ABCA3: variants seen among roughly 807,000 people sequenced by gnomAD.
The protein encoded by ABCA3 is phospholipid-transporting ATPase ABCA3.
A neutral mutation model predicts 172.8 loss-of-function variants in ABCA3; 88 were observed. That is an observed-to-expected ratio of 0.51 (90% CI 0.43 to 0.61). The LOEUF (loss-of-function observed/expected upper bound fraction) is 0.61, where lower values mean the gene tolerates loss of function less well. ABCA3 is among the 20% of genes least tolerant of loss of function. The pLI is 0.00. For missense variants in ABCA3, 2,164 were observed against 2,301.0 expected (o/e 0.94, Z 1.22); for synonymous variants, 1,066 against 983.8 (o/e 1.08, Z -1.56).
intron 10 of ABCA3, among the ~76,000 whole-genome samples, chr16:2,312,479 T>C (rs886300444): frequency 6.6e-6 from 1 of 151,386 alleles, no homozygotes; most frequent in African/African-American, 2.4e-5. Flanking sequence ...TTAATAAAGT[T>C]TTTTTTTTTA....
Position 2,278,053 on chromosome 16 carries a change from C to T in ABCA3, c.4735G>A (p.Ala1579Thr). The change falls in exon 31 of 33, where the codon GCC becomes ACC. Residue 1579 changes from alanine (A) to threonine (T), a missense_variant. By Grantham distance (58) the Ala-to-Thr change is moderately conservative. Transcript: ENST00000301732. The surrounding 1 kb of genome is among the most constrained non-coding windows in gnomAD (Gnocchi z 4.4). Reference protein sequence around the residue: ...ITSHSMEECEALCTRLAIMVQ... With the variant: ...ITSHSMEECETLCTRLAIMVQ... ...ATGATGGCCAGCCGGGTGCACAGGG[C>T]CTCACACTCCTCCATGCTGTGGAGA... The T allele has an allele frequency of 1.2e-6, 2 of 1,613,428 alleles. No individual in the cohort carries two copies. Among genetic ancestry groups the T allele is most frequent in the Non-Finnish European group, 1.7e-6 (2 of 1,180,014 alleles).
intron 5 of ABCA3, among the ~76,000 whole-genome samples, chr16:2,325,041 C>T (rs1227712041): frequency 6.6e-6 from 1 of 152,152 alleles, no homozygotes; most frequent in Non-Finnish European, 1.5e-5. Flanking sequence ...GGAATTAAAG[C>T]CCGGGAGGTA....
rs773077045 is a variant in ABCA3, at chr16:2,278,030, G to C, written c.4758C>G (p.Ile1586Met). Residue 1586 changes from isoleucine (I) to methionine (M), a missense_variant, in exon 31 of 33, where the codon ATC becomes ATG. Transcript: ENST00000301732. This position sits in a 1 kb window ranked among gnomAD's most constrained non-coding sequence, Gnocchi z 4.4. ...GGCACTTGAACTGCCCCTGCACCAT[G>C]ATGGCCAGCCGGGTGCACAGGGCCT... is the stretch of plus-strand genomic sequence containing the variant. ...ECEALCTRLA[I>M]MVQGQFKCLG... is the part of the protein sequence containing the mutation. The C allele has an allele frequency of 8.1e-6, 13 of 1,613,312 alleles. No individual in the cohort carries two copies. The highest frequency in any genetic ancestry group is 1.6e-4 in the Middle Eastern group (1 of 6,070).
rs753563770 is a variant in ABCA3 at position 2,319,867 on chromosome 16, AG to A, written c.614-28del. The A allele has an allele frequency of 1.9e-6, 3 of 1,612,290 alleles. No homozygotes were observed. In the South Asian group the frequency reaches 3.3e-5, roughly 18 times the overall value. ...TGGGTGCGGGAGCAGAGGATGGCCC[AG>A]CCACCTCGAGGAGCTGCTCTCGAGG... is the stretch of plus-strand genomic sequence containing the variant. On this transcript the variant is annotated intron_variant, in intron 7 of 32. Transcript: ENST00000301732.
intron 12 of ABCA3, among the ~76,000 whole-genome samples, chr16:2,301,405 A>G (rs959484401): frequency 1.3e-5 from 2 of 151,978 alleles, no homozygotes. Flanking sequence ...GAAGCAAAGA[A>G]TGAAAACAGA....
At position 2,326,490 on chromosome 16, in the gene ABCA3, G is replaced by A. The variant is rs751761564; in HGVS notation, c.-24C>T. ...ATCGTCTTGCTGAAAGGGACGCCCA[G>A]TGCTAGTTACAGACCAAAGACAGAG... On this transcript the variant is annotated splice_region_variant and 5_prime_UTR_variant, in exon 4 of 33. Coordinates refer to ENST00000301732, the MANE Select transcript of ABCA3 (RefSeq NM_001089.3). The A allele has an allele frequency of 8.7e-6, 14 of 1,602,520 alleles. No individual in the cohort carries two copies. The South Asian group carries it at 1.5e-4, about 17-fold the overall frequency.
At chr16:2,292,037 C>T in intron 19 of ABCA3, 103 bp downstream of exon 19, 1 of 885,240 alleles carries the variant, frequency 1.1e-6, no homozygotes, top group South Asian at 1.4e-5. Context: ...CGCACCACTG[C>T]ACTCCAGCCT....
chr16:2,299,518 T>G lies in ABCA3; in HGVS notation c.1626A>C (p.Gly542=). The change falls in exon 14 of 33, where the codon GGA becomes GGC. Residue 542 remains glycine (G), a synonymous_variant. Coordinates refer to ENST00000301732, the MANE Select transcript of ABCA3 (RefSeq NM_001089.3). ...IKHLSKVFRV[G]NKDRAAVRDL... ...CTCTGACGGCCGCCCTGTCCTTATTTCCCACCCTGAACACCTGCAGGAAAG... is the reference window on the plus strand; with the variant it reads ...CTCTGACGGCCGCCCTGTCCTTATTGCCCACCCTGAACACCTGCAGGAAAG... 1.9e-6 allele frequency: 3 copies of G among 1,613,498 alleles called. No individual in the cohort carries two copies. Among genetic ancestry groups the G allele is most frequent in the Non-Finnish European group, 8.5e-7 (1 of 1,179,986 alleles).
rs71148126 is a variant in ABCA3 at position 2,293,367 on chromosome 16, C to CTTTT, written c.2415-1133_2415-1130dup. On this transcript the variant is annotated intron_variant, in intron 18 of 32. Coordinates refer to ENST00000301732, the MANE Select transcript of ABCA3 (RefSeq NM_001089.3). The stretch of plus-strand genomic sequence containing the variant: ...AAGCTACCGTGCCTGGCCAAAATGC[C>CTTTT]TTTTTTTTTTTTTTTTTTTTTGGAG... Among the ~76,000 whole-genome samples the CTTTT allele has an allele frequency of 1.6e-4, 17 of 103,424 alleles. 1 individual carries two copies. Among genetic ancestry groups the CTTTT allele is most frequent in the African/African-American group, 3.6e-4 (10 of 27,666 alleles). The allele number at this position is 103,424 out of a possible 152,430, so 67.9% of individuals were successfully genotyped here. A position where few individuals can be genotyped will look rare whatever the true frequency, so the allele number is the denominator to read the frequency against.
chr16:2,326,214 G>T lies in ABCA3; in HGVS notation c.115C>A (p.Leu39Ile), dbSNP rs200090198. 1.9e-6 allele frequency: 3 copies of T among 1,613,948 alleles called. No individual in the cohort carries two copies. The highest frequency in any genetic ancestry group is 2.5e-6 in the Non-Finnish European group (3 of 1,180,056). ...TGAATCTTCAAGCGGAGCCAGATGA[G>T]GATCCCAGAAAACAGCAATGGCAGG... Reference protein sequence around the residue: ...LFLPLLFSGILIWLRLKIQSE... With the variant: ...LFLPLLFSGIIIWLRLKIQSE... The change falls in exon 5 of 33, where the codon CTC becomes ATC. Residue 39 changes from leucine to isoleucine, a missense_variant. Leu to Ile is a conservative substitution (Grantham distance 5). Coordinates refer to ENST00000301732, the MANE Select transcript of ABCA3 (RefSeq NM_001089.3).
rs994454728 is a variant in ABCA3 at position 2,283,309 on chromosome 16, G to T, written c.3912C>A (p.Gly1304=). ...NFYAWSAPGV[G]RFVASMAASG... Reference sequence around the variant, plus strand: ...AGGCGGCCATGGAGGCCACAAACCGGCCGACCCCCGGGGCGCTCCAGGCAT... The same window carrying T: ...AGGCGGCCATGGAGGCCACAAACCGTCCGACCCCCGGGGCGCTCCAGGCAT... The change falls in exon 26 of 33, where the codon GGC becomes GGA. Residue 1304 remains glycine, a synonymous_variant. Transcript: ENST00000301732. The surrounding 1 kb of genome is among the most constrained non-coding windows in gnomAD (Gnocchi z 5.4). 6.2e-7 allele frequency: 1 copy of T among 1,613,120 alleles called. No homozygotes were observed. Among genetic ancestry groups the T allele is most frequent in the Non-Finnish European group, 8.5e-7 (1 of 1,180,000 alleles).
intron 3 of ABCA3, among the ~76,000 whole-genome samples, chr16:2,327,795 A>C (rs1247146496): frequency 6.6e-6 from 1 of 152,116 alleles, no homozygotes; most frequent in Non-Finnish European, 1.5e-5. Flanking sequence ...ATCTTGGCTC[A>C]ATGGAACCTC....
At chr16:2,303,156 G>A (rs1018878053) in intron 12 of ABCA3, among the ~76,000 whole-genome samples, 3 of 151,914 alleles carry the variant, frequency 2.0e-5, no homozygotes, top group Non-Finnish European at 2.9e-5. Context: ...CTCTATGACA[G>A]TAAGTGTAGA....
At chr16:2,311,452 G>C (rs1367958726) in intron 10 of ABCA3, among the ~76,000 whole-genome samples, 3 of 152,148 alleles carry the variant, frequency 2.0e-5, no homozygotes, top group African/African-American at 7.2e-5. Context: ...AAGGTTAGTT[G>C]CCATGAAGTA....
intron 8 of ABCA3, 139 bp downstream of exon 8, chr16:2,319,442 A>G (rs959671568): frequency 1.1e-5 from 13 of 1,195,942 alleles, no homozygotes; most frequent in African/African-American, 6.2e-5. Context: ...CCGAGATCGC[A>G]CCACTGCACT....
At chr16:2,294,057 CCAGGGGTG>C (rs948388443) in intron 18 of ABCA3, among the ~76,000 whole-genome samples, 2 of 150,048 alleles carry the variant, frequency 1.3e-5, no homozygotes, top group South Asian at 2.1e-4. Flanking sequence ...AGGCTGGAAT[CCAGGGGTG>C]CAGGGGTGCA....
At chr16:2,337,537 CTAAT>C (rs1274634835) in intron 1 of ABCA3, among the ~76,000 whole-genome samples, 1 of 148,854 alleles carries the variant, frequency 6.7e-6, no homozygotes, top group Non-Finnish European at 1.5e-5. Flanking sequence ...CCATGCCCGG[CTAAT>C]TGTTTGATTT....
At chr16:2,307,297 T>C (rs1226515584) in intron 11 of ABCA3, among the ~76,000 whole-genome samples, 1 of 152,122 alleles carries the variant, frequency 6.6e-6, no homozygotes, top group Non-Finnish European at 1.5e-5. Context: ...GGCTCACTCC[T>C]GTAATCCTAG....
chr16:2,304,500 C>CTTTTTTTTTTTTTTT (rs34874417), intron 11 of ABCA3, among the ~76,000 whole-genome samples: 1 of 84,004 alleles, frequency 1.2e-5, no homozygotes, highest in Non-Finnish European at 2.2e-5. Context: ...TAGCATAAGT[C>CTTTTTTTTTTTTTTT]TTTTTTTTTT....
Sources: gnomAD v4.1 joint callset for allele counts (sites outside exome capture counted in the v4.1 genomes callset) on GRCh38, gnomAD v4.1.1 for gene constraint, Gnocchi (gnomAD v3.1) non-coding constraint, MANE v1.5 for transcripts, NCBI Gene and HGNC (gene_info 2026-07-23, HGNC 2026-07-21) for gene names.